Variants in FNTB observed in about 807,000 individuals in gnomAD.
FNTB encodes the protein farnesyltransferase, CAAX box, subunit beta, also known as protein farnesyltransferase subunit beta.
A neutral mutation model predicts 59.4 loss-of-function variants in FNTB; 27 were observed. That is an observed-to-expected ratio of 0.45 (90% confidence interval 0.34 to 0.63). The LOEUF is 0.63. FNTB is among the 20% of genes least tolerant of loss of function. The pLI, the probability that FNTB is intolerant of heterozygous loss-of-function variation, is 0.02. For synonymous variants in FNTB, 230 were observed against 220.7 expected (o/e 1.04, Z -0.37); for missense variants, 449 against 559.6 (o/e 0.80, Z 1.99).
intron 1 of FNTB, among the ~76,000 whole-genome samples, chr14:65,002,765 A>G (rs1331395928): frequency 6.6e-6 from 1 of 152,098 alleles, no homozygotes; most frequent in Non-Finnish European, 1.5e-5. Context: ...GAGTGGGCTG[A>G]AGTGCGGAGT....
intron 8 of FNTB, among the ~76,000 whole-genome samples, chr14:65,043,753 C>T (rs1329478073): frequency 2.3e-5 from 3 of 131,948 alleles, no homozygotes; most frequent in African/African-American, 5.7e-5. Context: ...ACCCGGGAAG[C>T]GGAGCTTGCA....
intron 10 of FNTB, among the ~76,000 whole-genome samples, chr14:65,053,625 T>TAAAAAAAAAACAAAACA (rs201558638): frequency 1.4e-5 from 2 of 146,246 alleles, no homozygotes; most frequent in Admixed American, 6.7e-5. Flanking sequence ...CTTCTTTTTT[T>TAAAAAAAAAACAAAACA]TAAAAAAAAC....
intron 4 of FNTB, among the ~76,000 whole-genome samples, chr14:65,022,764 T>G (rs966377648): frequency 6.6e-6 from 1 of 152,230 alleles, no homozygotes. Context: ...CAGTTCTGAC[T>G]AATACTGCAT....
chr14:65,000,597 G>A (rs1888555574), intron 1 of FNTB, among the ~76,000 whole-genome samples: 1 of 152,008 alleles, frequency 6.6e-6, no homozygotes, highest in African/African-American at 2.4e-5. Flanking sequence ...GAGACCGGCA[G>A]ATCACGAGGT....
intron 7 of FNTB, among the ~76,000 whole-genome samples, chr14:65,037,772 A>G (rs1383336443): frequency 7.1e-6 from 1 of 141,148 alleles, no homozygotes; most frequent in Non-Finnish European, 1.5e-5. Context: ...TTATTTATTT[A>G]TTTATTTATT....
At chr14:65,013,477 C>A (rs377712132) in intron 3 of FNTB, among the ~76,000 whole-genome samples, 1 of 152,154 alleles carries the variant, frequency 6.6e-6, no homozygotes, top group African/African-American at 2.4e-5. Flanking sequence ...GACTCAAGTC[C>A]TCAATAGTTA....
chr14:65,013,155 A>G (rs948606381), intron 3 of FNTB, among the ~76,000 whole-genome samples: 1 of 152,154 alleles, frequency 6.6e-6, no homozygotes. Flanking sequence ...TATTTGTGGC[A>G]ATGATTTGCC....
In FNTB at chr14:65,040,902, A is replaced by G. The variant is rs898607911; in HGVS notation, c.805A>G (p.Asn269Asp). The change falls in exon 8 of 12, where the codon AAC becomes GAC. Residue 269 changes from asparagine (N) to aspartate (D), a missense_variant. Physicochemically the swap from Asn to Asp is conservative, Grantham distance 23 (BLOSUM62 1). This residue lies in a region of FNTB where 337 missense variants were observed against 479.1 expected (regional missense o/e 0.70). Coordinates refer to ENST00000246166, the MANE Select transcript of FNTB (RefSeq NM_002028.4). Reference protein sequence around the residue: ...LVILKRERSLNLKSLLQWVTS... With the variant: ...LVILKRERSLDLKSLLQWVTS... ...AATCCTCAAGAGGGAACGTTCCTTG[A>G]ACTTGAAGAGCTTATTAGTAAGTAT... 5.0e-6 allele frequency: 8 copies of G among 1,613,764 alleles called. No individual in the cohort carries two copies. The highest frequency in any genetic ancestry group is 6.8e-6 in the Non-Finnish European group (8 of 1,179,884).
In FNTB at chr14:65,030,289, CT is replaced by C. The variant is rs2062054760; in HGVS notation, c.606-2319del. Among the ~76,000 whole-genome samples the C allele has an allele frequency of 6.6e-6, 1 of 152,228 alleles. No individual in the cohort carries two copies. The highest frequency in any genetic ancestry group is 2.1e-4 in the South Asian group (1 of 4,830). ...ACATTTGGCATTGGCACTTGTGACT[CT>C]TGTGTGCTCCCAATGCCTGCTGGTG... is the stretch of plus-strand genomic sequence containing the variant. On this transcript the variant is annotated intron_variant, in intron 6 of 11. Transcript: ENST00000246166. The surrounding 1 kb of genome is among the most constrained non-coding windows in gnomAD (Gnocchi z 4.5).
intron 11 of FNTB, among the ~76,000 whole-genome samples, chr14:65,057,727 T>C (rs2062769348): frequency 6.6e-6 from 1 of 152,246 alleles, no homozygotes; most frequent in African/African-American, 2.4e-5. Flanking sequence ...GGATTTGGTT[T>C]CTGTGTATGG....
intron 1 of FNTB, among the ~76,000 whole-genome samples, chr14:64,992,097 T>C (rs1055469065): frequency 3.3e-5 from 5 of 152,288 alleles, no homozygotes; most frequent in Admixed American, 2.0e-4. Flanking sequence ...TTCCCAACTT[T>C]TTATGCCTCT....
At chr14:65,005,453 CTT>C (rs1191072209) in intron 2 of FNTB, among the ~76,000 whole-genome samples, 1 of 65,076 alleles carries the variant, frequency 1.5e-5, no homozygotes, top group Non-Finnish European at 3.3e-5. Context: ...CCTTTCTTTT[CTT>C]TCTTTCTTTC....
At chr14:65,004,183 A>G (rs1042997846) in intron 1 of FNTB, 66 bp from the exon 2 acceptor site, 20 of 1,573,230 alleles carry the variant, frequency 1.3e-5, no homozygotes, top group Admixed American at 1.1e-4. Context: ...GGCAATAGGA[A>G]GAAAAAGCTG....
Position 65,009,007 on chromosome 14 carries a change from C to A in FNTB, c.210-3310C>A, listed in dbSNP as rs1045882681. Among the ~76,000 whole-genome samples the A allele has an allele frequency of 6.6e-6, 1 of 152,156 alleles. No homozygotes were observed. The highest frequency in any genetic ancestry group is 2.4e-5 in the African/African-American group (1 of 41,414). ...CATCCCACCCTGCACCCCCTCAAGTCCTGCACGAAACCTGTCTTATTCTGC... is the reference window on the plus strand; with the variant it reads ...CATCCCACCCTGCACCCCCTCAAGTACTGCACGAAACCTGTCTTATTCTGC... On this transcript the variant is annotated intron_variant, in intron 2 of 11. Coordinates refer to ENST00000246166, the MANE Select transcript of FNTB (RefSeq NM_002028.4). This position sits in a 1 kb window ranked among gnomAD's most constrained non-coding sequence, Gnocchi z 4.2.
At chr14:65,016,057 C>T (rs1033481676) in intron 4 of FNTB, among the ~76,000 whole-genome samples, 2 of 152,232 alleles carry the variant, frequency 1.3e-5, no homozygotes, top group Non-Finnish European at 1.5e-5. Flanking sequence ...ATTTGAACAG[C>T]TTCTGTGGGG....
intron 7 of FNTB, among the ~76,000 whole-genome samples, chr14:65,037,497 C>A (rs556418362): frequency 8.1e-6 from 1 of 122,836 alleles, no homozygotes; most frequent in Non-Finnish European, 1.6e-5. Flanking sequence ...TGCAGTGACA[C>A]GATCATGGTT....
intron 3 of FNTB, among the ~76,000 whole-genome samples, chr14:65,013,313 C>T (rs965646599): frequency 7.3e-6 from 1 of 136,636 alleles, no homozygotes; most frequent in African/African-American, 2.9e-5. Context: ...GTTGCCAAAT[C>T]ATCTTTGTTT....
chr14:65,026,696 A>T lies in FNTB; in HGVS notation c.375-757A>T, dbSNP rs566738201. On this transcript the variant is annotated intron_variant, in intron 4 of 11. Coordinates refer to ENST00000246166, the MANE Select transcript of FNTB (RefSeq NM_002028.4). ...GCCAGCATGGTGAAACCTTGTCTGT[A>T]CTGAAAATACAAAAAATTGGCTGGG... Among the ~76,000 whole-genome samples the T allele has an allele frequency of 9.3e-4, 142 of 152,192 alleles. 8 individuals are homozygous for T. The South Asian group carries it at 0.024, about 26-fold the overall frequency.
chr14:65,054,061 A>G lies in FNTB; in HGVS notation c.1068-514A>G, dbSNP rs1229272870. ...AAGGTAAAAAAAGAAAGAAAAGAAA[A>G]AAAATACAGTTCCCACTGCTGGGCA... On this transcript the variant is annotated intron_variant, in intron 10 of 11. Transcript: ENST00000246166. The surrounding 1 kb of genome is among the most constrained non-coding windows in gnomAD (Gnocchi z 4.4). Among the ~76,000 whole-genome samples the G allele has an allele frequency of 2.0e-5, 3 of 152,188 alleles. No individual in the cohort carries two copies. The highest frequency in any genetic ancestry group is 7.2e-5 in the African/African-American group (3 of 41,450).
Sources: gnomAD v4.1 joint callset for allele counts (sites outside exome capture counted in the v4.1 genomes callset) on GRCh38, gnomAD v4.1.1 for gene constraint, gnomAD v4.1.1 regional missense constraint, Gnocchi (gnomAD v3.1) non-coding constraint, MANE v1.5 for transcripts, NCBI Gene and HGNC (gene_info 2026-07-23, HGNC 2026-07-21) for gene names.